Variants in SMARCA2 observed in about 807,000 individuals in gnomAD.
SMARCA2 encodes SWI/SNF-related matrix-associated actin-dependent regulator of chromatin subfamily A member 2.
In SMARCA2, 61 loss-of-function variants were observed where a neutral mutation model predicts 199.8. The observed-to-expected ratio is 0.31, with a 90% CI of 0.25 to 0.38. The LOEUF (loss-of-function observed/expected upper bound fraction) is 0.38. Among genes scored for constraint, SMARCA2 ranks in the 10% least tolerant of loss-of-function variants. SMARCA2 has a pLI of 1.00. For missense variants in SMARCA2, 1,344 were observed against 2,012.2 expected (o/e 0.67, Z 6.35); for synonymous variants, 935 against 732.0 (o/e 1.28, Z -4.48).
At chr9:2,142,795 T>C (rs1328818583) in intron 27 of SMARCA2, among the ~76,000 whole-genome samples, 1 of 152,158 alleles carries the variant, frequency 6.6e-6, no homozygotes, top group East Asian at 1.9e-4. Context: ...TGGTCCTCCC[T>C]TGAGCAGTAA....
chr9:2,122,562 C>G (rs932359344), intron 26 of SMARCA2, among the ~76,000 whole-genome samples: 1 of 152,156 alleles, frequency 6.6e-6, no homozygotes, highest in African/African-American at 2.4e-5. Context: ...GTCTCCCAAG[C>G]CTACCAGATT....
chr9:2,023,660 G>A (rs1436547637), intron 1 of SMARCA2, among the ~76,000 whole-genome samples: 1 of 152,176 alleles, frequency 6.6e-6, no homozygotes, highest in East Asian at 1.9e-4. Context: ...ACCTTGGCCT[G>A]TAAAAAGGAA....
intron 1 of SMARCA2, among the ~76,000 whole-genome samples, chr9:2,027,134 T>A (rs986025857): frequency 1.3e-5 from 2 of 152,222 alleles, no homozygotes; most frequent in Non-Finnish European, 2.9e-5. Context: ...GATGACTCTG[T>A]GGTTTTTATT....
rs984074288 is a variant in SMARCA2, at chr9:2,094,075, G to C, written c.2884-2582G>C. On this transcript the variant is annotated intron_variant, in intron 19 of 33. Transcript: ENST00000349721. ...GAAAGATCTTAAAAAGGGCCCTCAA[G>C]GTAGAGTAGAGTTAGAAAGGAGCCT... is the stretch of plus-strand genomic sequence containing the variant. Among the ~76,000 whole-genome samples, 4 of 152,158 alleles carry C rather than the reference G, an allele frequency of 2.6e-5. No individual in the cohort carries two copies. The South Asian group carries it at 6.2e-4, about 24-fold the overall frequency.
intron 27 of SMARCA2, among the ~76,000 whole-genome samples, chr9:2,149,130 G>A (rs971848855): frequency 6.6e-6 from 1 of 151,144 alleles, no homozygotes; most frequent in African/African-American, 2.4e-5. Flanking sequence ...TGGACTTACA[G>A]TTCCACATGG....
At chr9:2,048,791 GA>G (rs1436056188) in intron 5 of SMARCA2, among the ~76,000 whole-genome samples, 1 of 152,146 alleles carries the variant, frequency 6.6e-6, no homozygotes, top group Non-Finnish European at 1.5e-5. Context: ...ATTGTCAATT[GA>G]TATTTCAGTG....
rs111641201 is a variant in SMARCA2 at position 2,151,623 on chromosome 9, A to G, written c.3982-10063A>G. On this transcript the variant is annotated intron_variant, in intron 27 of 33. Transcript: ENST00000349721. ...GTGGTGCCTGCCTGTAATCCCAGCT[A>G]TTGGGAGGCTGAGACATGAGAATCT... 4.9e-3 allele frequency among the ~76,000 whole-genome samples: 741 copies of G among 152,126 alleles called. 16 individuals carry two copies. Among genetic ancestry groups the G allele is most frequent in the African/African-American group, 0.017 (693 of 41,462 alleles).
In SMARCA2 at chr9:2,161,573, T is replaced by C. The variant is rs1228199076; in HGVS notation, c.3982-113T>C. ...CTGTTAACTTTTACTTTTTTTTGGTTAATTTCTTTCATTTTATTCTAATTG... is the reference window on the plus strand; with the variant it reads ...CTGTTAACTTTTACTTTTTTTTGGTCAATTTCTTTCATTTTATTCTAATTG... On this transcript the variant is annotated intron_variant, in intron 27 of 33. Transcript: ENST00000349721. The surrounding 1 kb of genome is among the most constrained non-coding windows in gnomAD (Gnocchi z 4.7). 4 of 738,776 alleles carry C rather than the reference T, an allele frequency of 5.4e-6. No individual in the cohort carries two copies. 45.8% of individuals were successfully genotyped at this position (738,776 alleles called of 1,614,324 possible). A position where few individuals can be genotyped will look rare whatever the true frequency, so the allele number is the denominator to read the frequency against.
At chr9:2,125,059 A>G (rs764872707) in intron 27 of SMARCA2, among the ~76,000 whole-genome samples, 4 of 152,208 alleles carry the variant, frequency 2.6e-5, no homozygotes, top group Non-Finnish European at 4.4e-5. Flanking sequence ...GTAGATGGGT[A>G]GAAAGGCAGT....
chr9:2,162,248 T>A (rs576260454), intron 28 of SMARCA2, among the ~76,000 whole-genome samples: 33 of 152,368 alleles, frequency 2.2e-4, no homozygotes, highest in African/African-American at 7.5e-4. Context: ...ATTATTTTTT[T>A]TAATTGAATT....
chr9:2,114,882 A>T (rs1292965258), intron 24 of SMARCA2, among the ~76,000 whole-genome samples: 4 of 152,144 alleles, frequency 2.6e-5, no homozygotes, highest in African/African-American at 9.7e-5. Flanking sequence ...ATATAGATAA[A>T]TTTGCACATG....
chr9:2,153,135 T>C (rs1358301816), intron 27 of SMARCA2, among the ~76,000 whole-genome samples: 1 of 152,088 alleles, frequency 6.6e-6, no homozygotes, highest in Non-Finnish European at 1.5e-5. Flanking sequence ...GGATAAAATG[T>C]TGGAAGCCAA....
chr9:2,083,020 T>A (rs1009145124), intron 15 of SMARCA2, among the ~76,000 whole-genome samples: 7 of 152,206 alleles, frequency 4.6e-5, no homozygotes, highest in Non-Finnish European at 8.8e-5. Context: ...CCTATATGGC[T>A]GTTTATGAAG....
chr9:2,063,959 A>C (rs1045462697), intron 9 of SMARCA2, among the ~76,000 whole-genome samples: 4 of 152,230 alleles, frequency 2.6e-5, no homozygotes, highest in Non-Finnish European at 1.5e-5. Flanking sequence ...AAGCCCTTGA[A>C]ATGGAAGAAG....
chr9:2,030,642 A>C (rs559158163), intron 2 of SMARCA2, among the ~76,000 whole-genome samples: 5 of 151,808 alleles, frequency 3.3e-5, no homozygotes, highest in Admixed American at 3.3e-4. Flanking sequence ...CTAACAATTC[A>C]AATGATAATC....
intron 18 of SMARCA2, 107 bp downstream of exon 18, chr9:2,087,178 C>G: frequency 1.5e-6 from 2 of 1,375,752 alleles, no homozygotes; most frequent in Non-Finnish European, 2.0e-6. Context: ...GTGGTTTCCA[C>G]TGTTGTTTAT....
chr9:2,137,223 G>C (rs915380744), intron 27 of SMARCA2, among the ~76,000 whole-genome samples: 6 of 152,224 alleles, frequency 3.9e-5, no homozygotes, highest in African/African-American at 1.4e-4. Context: ...GCATTTTGGA[G>C]GATACCTTTC....
At chr9:2,172,818 C>G (rs1051536338) in intron 29 of SMARCA2, among the ~76,000 whole-genome samples, 1 of 151,974 alleles carries the variant, frequency 6.6e-6, no homozygotes, top group East Asian at 1.9e-4. Flanking sequence ...CCCAGGGAGC[C>G]GACATCAGCC....
chr9:2,123,856 G>T lies in SMARCA2; in HGVS notation c.3900G>T (p.Glu1300Asp). The T allele has an allele frequency of 1.2e-6, 2 of 1,609,532 alleles. No individual in the cohort carries two copies. Among genetic ancestry groups the T allele is most frequent in the Non-Finnish European group, 1.7e-6 (2 of 1,178,192 alleles). Reference protein sequence around the residue: ...EVERLTCEEEEEKIFGRGSRQ... With the variant: ...EVERLTCEEEDEKIFGRGSRQ... Reference sequence around the variant, plus strand: ...AAAGGCTCACCTGTGAAGAAGAGGAGGAGAAAATATTTGGGAGGGGGTCCC... The same window carrying T: ...AAAGGCTCACCTGTGAAGAAGAGGATGAGAAAATATTTGGGAGGGGGTCCC... Residue 1300 changes from glutamate (E) to aspartate (D), a missense_variant, in exon 27 of 34, where the codon GAG (glutamate) becomes GAT (aspartate). Around this residue, in one of 18 missense-constraint regions of SMARCA2, gnomAD observed 63 missense variants for 83.3 expected, o/e 0.76. Transcript: ENST00000349721. The surrounding 1 kb of genome is among the most constrained non-coding windows in gnomAD (Gnocchi z 4.1).
Sources: allele counts gnomAD v4.1 joint callset (sites outside exome capture counted in the v4.1 genomes callset), GRCh38; gene constraint gnomAD v4.1.1; regional missense constraint gnomAD v4.1.1; non-coding constraint Gnocchi (gnomAD v3.1); transcripts MANE v1.5; gene names NCBI Gene and HGNC (gene_info 2026-07-23, HGNC 2026-07-21).